CPEB3: variants seen among roughly 807,000 people sequenced by gnomAD.
The protein encoded by CPEB3 is cytoplasmic polyadenylation element-binding protein 3.
In CPEB3, 20 loss-of-function variants were observed where a neutral mutation model predicts 67.2. The ratio of observed to expected loss-of-function variants is 0.30; its 90% confidence interval spans 0.21 to 0.43. CPEB3 has a LOEUF of 0.43. CPEB3 is among the 20% of genes least tolerant of loss of function. CPEB3 has a pLI of 1.00. For missense variants in CPEB3, 746 were observed against 968.6 expected, an observed-to-expected ratio of 0.77 and a Z score of 3.05; for synonymous variants, 376 against 393.1, an observed-to-expected ratio of 0.96 and a Z score of 0.51.
chr10:92,227,304 G>T (rs977498588), intron 2 of CPEB3, among the ~76,000 whole-genome samples: 4 of 152,220 alleles, frequency 2.6e-5, no homozygotes, highest in African/African-American at 9.6e-5. Context: ...TATGTGGAAA[G>T]TATGATGCCA....
intron 4 of CPEB3, among the ~76,000 whole-genome samples, chr10:92,161,757 C>T (rs1025592340): frequency 3.9e-5 from 6 of 152,134 alleles, no homozygotes; most frequent in African/African-American, 9.7e-5. Flanking sequence ...CTCCACCTCC[C>T]GGTACAAGCG....
At chr10:92,186,081 A>T (rs1398947812) in intron 3 of CPEB3, among the ~76,000 whole-genome samples, 4 of 151,898 alleles carry the variant, frequency 2.6e-5, no homozygotes, top group Non-Finnish European at 5.9e-5. Flanking sequence ...ATTAAATCAC[A>T]ATTCCCAGCC....
Position 92,050,791 on chromosome 10 carries a change from T to C in CPEB3, c.*1421A>G, listed in dbSNP as rs1308462771. 6.5e-6 allele frequency: 1 copy of C among 152,716 alleles called. No homozygotes were observed. The highest frequency in any genetic ancestry group is 1.5e-5 in the Non-Finnish European group (1 of 68,058). 9.5% of individuals were successfully genotyped at this position (152,716 alleles called of 1,614,324 possible). Reference sequence around the variant, plus strand: ...CCTAGTTTGTCAATCTGACAACTTATCTCTATATCCTGTATATATTCTTAG... The same window carrying C: ...CCTAGTTTGTCAATCTGACAACTTACCTCTATATCCTGTATATATTCTTAG... On this transcript the variant is annotated 3_prime_UTR_variant, in exon 10 of 10. Transcript: ENST00000265997.
chr10:92,114,703 C>A lies in CPEB3; in HGVS notation c.1454-3509G>T, dbSNP rs1011572047. ...AAGGAAATTACACAGAGTGATTAAG[C>A]GACTTGTTCAAGATCACCCAGTAAG... On this transcript the variant is annotated intron_variant, in intron 6 of 9. Coordinates refer to ENST00000265997, the MANE Select transcript of CPEB3 (RefSeq NM_014912.5). 2.0e-5 allele frequency among the ~76,000 whole-genome samples: 3 copies of A among 152,178 alleles called. No individual in the cohort carries two copies. In the South Asian group the frequency reaches 6.2e-4, roughly 31 times the overall value.
At chr10:92,260,725 C>T (rs1205193330) in intron 1 of CPEB3, among the ~76,000 whole-genome samples, 2 of 152,048 alleles carry the variant, frequency 1.3e-5, no homozygotes, top group Non-Finnish European at 2.9e-5. Flanking sequence ...TATCCTGCTT[C>T]AGCCTCCCGA....
chr10:92,264,307 GA>G (rs1852943109), intron 1 of CPEB3, among the ~76,000 whole-genome samples: 1 of 148,990 alleles, frequency 6.7e-6, no homozygotes, highest in Non-Finnish European at 1.5e-5. Context: ...CAGCCTGGGG[GA>G]CAGAGTGAGA....
intron 4 of CPEB3, among the ~76,000 whole-genome samples, chr10:92,156,835 T>C (rs1847232128): frequency 6.6e-6 from 1 of 152,246 alleles, no homozygotes; most frequent in Non-Finnish European, 1.5e-5. Context: ...TGTACATATA[T>C]ATTAGCTTCT....
chr10:92,200,990 C>CA (rs916387417), intron 2 of CPEB3, among the ~76,000 whole-genome samples: 1 of 152,172 alleles, frequency 6.6e-6, no homozygotes, highest in Non-Finnish European at 1.5e-5. Flanking sequence ...ATAAAAAGTA[C>CA]AAATGCCACC....
chr10:92,169,242 G>A (rs1026162757), intron 4 of CPEB3, among the ~76,000 whole-genome samples: 2 of 151,454 alleles, frequency 1.3e-5, no homozygotes, highest in Middle Eastern at 3.4e-3. Flanking sequence ...AGGTTCAAGC[G>A]ATTCTCCTGT....
intron 2 of CPEB3, among the ~76,000 whole-genome samples, chr10:92,213,614 T>C (rs1008395171): frequency 6.6e-6 from 1 of 152,226 alleles, no homozygotes; most frequent in African/African-American, 2.4e-5. Flanking sequence ...AAACATGTCC[T>C]AAATTTTTAG....
intron 4 of CPEB3, among the ~76,000 whole-genome samples, chr10:92,148,051 C>T (rs974097073): frequency 6.6e-6 from 1 of 152,136 alleles, no homozygotes; most frequent in Non-Finnish European, 1.5e-5. Context: ...CTACCTCGTA[C>T]CCCACAATGC....
At chr10:92,178,546 G>A (rs1323691788) in intron 4 of CPEB3, among the ~76,000 whole-genome samples, 3 of 152,022 alleles carry the variant, frequency 2.0e-5, no homozygotes, top group South Asian at 4.2e-4. Flanking sequence ...CAAATGGTAG[G>A]CATAAAAAGA....
At chr10:92,112,272 G>A (rs1419031845) in intron 6 of CPEB3, among the ~76,000 whole-genome samples, 4 of 151,564 alleles carry the variant, frequency 2.6e-5, no homozygotes, top group Non-Finnish European at 4.4e-5. Flanking sequence ...AGCCTCCCAA[G>A]TAGCTGGGAT....
At chr10:92,079,483 C>A (rs1047273477) in intron 9 of CPEB3, among the ~76,000 whole-genome samples, 3 of 152,042 alleles carry the variant, frequency 2.0e-5, no homozygotes, top group Non-Finnish European at 4.4e-5. Flanking sequence ...ACTTAAAAAC[C>A]AGGAATGGAG....
chr10:92,266,962 A>C (rs1057164989), intron 1 of CPEB3, among the ~76,000 whole-genome samples: 3 of 152,106 alleles, frequency 2.0e-5, no homozygotes, highest in Non-Finnish European at 2.9e-5. Flanking sequence ...TGAACCCAGG[A>C]GGCGGAGGTT....
intron 1 of CPEB3, among the ~76,000 whole-genome samples, chr10:92,245,133 C>CTTTTTT (rs989695063): frequency 8.2e-5 from 8 of 98,068 alleles, no homozygotes; most frequent in South Asian, 3.2e-4. Flanking sequence ...AGAAAAGAGT[C>CTTTTTT]TTTTTTTTTT....
intron 4 of CPEB3, among the ~76,000 whole-genome samples, chr10:92,155,435 G>C (rs1173831779): frequency 6.6e-6 from 1 of 152,132 alleles, no homozygotes; most frequent in Non-Finnish European, 1.5e-5. Context: ...CAATTCATCA[G>C]AAGTATACTA....
intron 9 of CPEB3, among the ~76,000 whole-genome samples, chr10:92,056,508 G>A (rs833381): frequency 0.99 from 150,281 of 152,280 alleles, 74,187 homozygotes; most frequent in Middle Eastern, 1. Flanking sequence ...GGAGTCAGAA[G>A]AATAGTCCCG....
At chr10:92,159,488 A>G (rs1847363233) in intron 4 of CPEB3, among the ~76,000 whole-genome samples, 4 of 152,098 alleles carry the variant, frequency 2.6e-5, no homozygotes, top group Admixed American at 2.6e-4. Context: ...CCTGGCCAAC[A>G]TGGTGAAACC....
Sources: gnomAD v4.1 joint callset for allele counts (sites outside exome capture counted in the v4.1 genomes callset) on GRCh38, gnomAD v4.1.1 for gene constraint, MANE v1.5 for transcripts, NCBI Gene and HGNC (gene_info 2026-07-23, HGNC 2026-07-21) for gene names.